The following TMEM245 variants were observed in gnomAD, a reference collection of about 807,000 sequenced individuals.
TMEM245 encodes transmembrane protein 245.
A neutral mutation model predicts 101.2 loss-of-function variants in TMEM245; 69 were observed. The observed-to-expected ratio is 0.68, with a 90% CI of 0.56 to 0.83. The LOEUF (loss-of-function observed/expected upper bound fraction) is 0.83. TMEM245 is among the 40% of genes least tolerant of loss of function. The pLI is 0.00. For synonymous variants in TMEM245, 537 were observed against 449.8 expected, an observed-to-expected ratio of 1.19 and a Z score of -2.45; for missense variants, 1,075 against 1,092.8, an observed-to-expected ratio of 0.98 and a Z score of 0.23.
intron 17 of TMEM245, among the ~76,000 whole-genome samples, chr9:109,024,650 A>G (rs910530004): frequency 2.0e-5 from 3 of 152,238 alleles, no homozygotes; most frequent in Non-Finnish European, 4.4e-5. Context: ...TTGAGTATAC[A>G]CCATGATACT....
intron 3 of TMEM245, among the ~76,000 whole-genome samples, chr9:109,100,397 C>T (rs1830254605): frequency 6.6e-6 from 1 of 152,212 alleles, no homozygotes; most frequent in Non-Finnish European, 1.5e-5. Context: ...GATTACTACT[C>T]ACTGCAGCCT....
In TMEM245 at chr9:109,033,468, C is replaced by A; in HGVS notation, c.2433G>T (p.Val811=). Reference sequence around the variant, plus strand: ...GGCCTAGGTAGTATGCTCCACCGGCCACTGCCAAGCCTGTCAGGTAAGGAT... The same window carrying A: ...GGCCTAGGTAGTATGCTCCACCGGCAACTGCCAAGCCTGTCAGGTAAGGAT... ...GGHPYLTGLA[V]AGGAYYLGLE... Residue 811 remains valine (V), a synonymous_variant, in exon 17 of 18, where the codon GTG becomes GTT. Coordinates refer to ENST00000374586, the MANE Select transcript of TMEM245 (RefSeq NM_032012.4). 1 of 1,610,526 alleles carries A rather than the reference C, an allele frequency of 6.2e-7. No individual in the cohort carries two copies. The highest frequency in any genetic ancestry group is 8.5e-7 in the Non-Finnish European group (1 of 1,178,370).
At chr9:109,033,632 T>C (rs1442885582) in intron 16 of TMEM245, 131 bp from the exon 17 acceptor site, 2 of 753,092 alleles carry the variant, frequency 2.7e-6, no homozygotes, top group Non-Finnish European at 4.0e-6. Flanking sequence ...ATCACCTCGA[T>C]GCATACAACT....
chr9:109,082,242 TAA>T (rs940865280), intron 7 of TMEM245, among the ~76,000 whole-genome samples: 1 of 152,152 alleles, frequency 6.6e-6, no homozygotes, highest in Non-Finnish European at 1.5e-5. Context: ...AACTCAAAGA[TAA>T]AAAGTTAATC....
intron 7 of TMEM245, 90 bp downstream of exon 7, chr9:109,085,907 G>T: frequency 2.1e-6 from 3 of 1,408,870 alleles, no homozygotes; most frequent in South Asian, 1.2e-5. Flanking sequence ...AACTTAGTTT[G>T]ACACATGGAC....
At chr9:109,023,207 G>A (rs2132272652) in intron 17 of TMEM245, among the ~76,000 whole-genome samples, 1 of 152,274 alleles carries the variant, frequency 6.6e-6, no homozygotes, top group South Asian at 2.1e-4. Context: ...AGGGTGTTAG[G>A]GTGATTGATG....
Position 109,033,019 on chromosome 9 carries a change from G to A in TMEM245, c.2594+288C>T, listed in dbSNP as rs190119226. 5.3e-4 allele frequency among the ~76,000 whole-genome samples: 80 copies of A among 152,046 alleles called. 1 individual carries two copies. The South Asian group carries it at 7.9e-3, about 15-fold the overall frequency. On this transcript the variant is annotated intron_variant, in intron 17 of 17. Coordinates refer to ENST00000374586, the MANE Select transcript of TMEM245 (RefSeq NM_032012.4). Reference sequence around the variant, plus strand: ...TCGCCATGTTGGCCAGGCTGGGCTCGAACTCCTGACCTCAGGTGATCCACC... The same window carrying A: ...TCGCCATGTTGGCCAGGCTGGGCTCAAACTCCTGACCTCAGGTGATCCACC...
intron 15 of TMEM245, among the ~76,000 whole-genome samples, 197 bp downstream of exon 15, chr9:109,037,820 G>A (rs1828179972): frequency 6.6e-6 from 1 of 152,122 alleles, no homozygotes; most frequent in Non-Finnish European, 1.5e-5. Context: ...TGCTGGGTAT[G>A]GTTCCAGCTG....
chr9:109,049,178 T>C (rs542557005), intron 14 of TMEM245, among the ~76,000 whole-genome samples: 117 of 152,244 alleles, frequency 7.7e-4, no homozygotes, highest in Non-Finnish European at 1.5e-3. Context: ...AAATCTCAGG[T>C]TTGAGAGAAG....
Position 109,060,394 on chromosome 9 carries a change from A to G in TMEM245, c.1682T>C (p.Leu561Pro). The change falls in exon 11 of 18, where the codon CTA becomes CCA. Residue 561 changes from leucine (L) to proline (P), a missense_variant. Leu to Pro is a moderately conservative substitution (Grantham distance 98). This residue lies in a region of TMEM245 where 808 missense variants were observed against 741.5 expected (regional missense o/e 1.09). Transcript: ENST00000374586. ...GTGATACAGTCTGTCCCAAAGTTCTAGTACTTGCTTTTCAATTACAGCAGT... is the reference window on the plus strand; with the variant it reads ...GTGATACAGTCTGTCCCAAAGTTCTGGTACTTGCTTTTCAATTACAGCAGT... ...NNTAVIEKQV[L>P]ELWDRLYHSW... The G allele has an allele frequency of 1.9e-6, 3 of 1,613,844 alleles. No homozygotes were observed. The highest frequency in any genetic ancestry group is 2.5e-6 in the Non-Finnish European group (3 of 1,179,858).
At chr9:109,098,082 C>A (rs1830187434) in intron 3 of TMEM245, among the ~76,000 whole-genome samples, 1 of 152,158 alleles carries the variant, frequency 6.6e-6, no homozygotes, top group Non-Finnish European at 1.5e-5. Flanking sequence ...CTCTCCTCCC[C>A]TTTCTACTTT....
chr9:109,015,742 T>A lies in TMEM245; in HGVS notation c.*4718A>T, dbSNP rs974398480. The A allele has an allele frequency of 6.6e-6, 1 of 152,540 alleles. No homozygotes were observed. The highest frequency in any genetic ancestry group is 2.4e-5 in the African/African-American group (1 of 41,432). The allele number at this position is 152,540 out of a possible 1,614,324, so 9.4% of individuals were successfully genotyped here. Reference sequence around the variant, plus strand: ...TTTCAGAGCCTCCAGAGCCCCCCCATCTGTACAATAAGGATAATATTGTCT... The same window carrying A: ...TTTCAGAGCCTCCAGAGCCCCCCCAACTGTACAATAAGGATAATATTGTCT... On this transcript the variant is annotated 3_prime_UTR_variant, in exon 18 of 18. Coordinates refer to ENST00000374586, the MANE Select transcript of TMEM245 (RefSeq NM_032012.4).
chr9:109,045,379 C>G (rs765404675), intron 14 of TMEM245, among the ~76,000 whole-genome samples: 1 of 152,162 alleles, frequency 6.6e-6, no homozygotes, highest in African/African-American at 2.4e-5. Context: ...AGGGGATGAG[C>G]TGCTTACGTG....
chr9:109,076,211 T>C (rs149204265), intron 8 of TMEM245, among the ~76,000 whole-genome samples: 2 of 151,458 alleles, frequency 1.3e-5, no homozygotes, highest in African/African-American at 2.4e-5. Context: ...CATAAAAAAA[T>C]GATGAGTTCA....
rs530184406 is a variant in TMEM245, at chr9:109,018,962, CT to C, written c.*1497del. ...GTTTTGCCATGTTGCCTAGGCTGAT[CT>C]CAAATCCCTGGGCTCAAGCAATCCA... On this transcript the variant is annotated 3_prime_UTR_variant, in exon 18 of 18. Coordinates refer to ENST00000374586, the MANE Select transcript of TMEM245 (RefSeq NM_032012.4). The C allele has an allele frequency of 5.0e-5, 6 of 119,212 alleles. No individual in the cohort carries two copies. Among genetic ancestry groups the C allele is most frequent in the African/African-American group, 2.0e-4 (6 of 29,776 alleles). 7.4% of individuals were successfully genotyped at this position (119,212 alleles called of 1,614,324 possible).
At chr9:109,113,310 C>T (rs1830619919) in intron 1 of TMEM245, among the ~76,000 whole-genome samples, 1 of 152,164 alleles carries the variant, frequency 6.6e-6, no homozygotes, top group Non-Finnish European at 1.5e-5. Context: ...TCTTCACTAA[C>T]ACGGAAACAT....
chr9:109,037,857 A>G (rs1041139958), intron 15 of TMEM245, among the ~76,000 whole-genome samples, 160 bp downstream of exon 15: 1 of 152,214 alleles, frequency 6.6e-6, no homozygotes, highest in African/African-American at 2.4e-5. Flanking sequence ...AAACAAACAC[A>G]TTACAAATCA....
intron 14 of TMEM245, among the ~76,000 whole-genome samples, chr9:109,047,237 AGTATACTATGGAAC>A (rs1828525940): frequency 6.6e-6 from 1 of 152,210 alleles, no homozygotes; most frequent in African/African-American, 2.4e-5. Context: ...TTTAAATGCC[AGTATACTATGGAAC>A]CAAGACATAA....
chr9:109,094,782 C>G (rs1830095194), intron 3 of TMEM245, among the ~76,000 whole-genome samples: 1 of 152,164 alleles, frequency 6.6e-6, no homozygotes, highest in Non-Finnish European at 1.5e-5. Context: ...AATTCCTAGT[C>G]ACCAAATCAT....
Sources: allele counts gnomAD v4.1 joint callset (sites outside exome capture counted in the v4.1 genomes callset), GRCh38; gene constraint gnomAD v4.1.1; regional missense constraint gnomAD v4.1.1; transcripts MANE v1.5; gene names NCBI Gene and HGNC (gene_info 2026-07-23, HGNC 2026-07-21).